PTPRD: variants seen among roughly 807,000 people sequenced by gnomAD.
The protein encoded by PTPRD is receptor-type tyrosine-protein phosphatase delta.
Under a neutral mutation model 214.5 loss-of-function variants are expected in PTPRD, and 34 were observed. That is an observed-to-expected ratio of 0.16 (90% CI 0.12 to 0.21). The LOEUF (loss-of-function observed/expected upper bound fraction) is 0.21. Ranked by LOEUF, PTPRD falls within the 10% of genes least tolerant of loss-of-function variation. The pLI, the probability that PTPRD is intolerant of heterozygous loss-of-function variation, is 1.00. For synonymous variants in PTPRD, 1,128 were observed against 845.7 expected (o/e 1.33, Z -5.79); for missense variants, 2,545 against 2,398.7 (o/e 1.06, Z -1.27).
chr9:10,380,591 T>G (rs1449909674), intron 2 of PTPRD, among the ~76,000 whole-genome samples: 1 of 152,052 alleles, frequency 6.6e-6, no homozygotes, highest in African/African-American at 2.4e-5. Context: ...CAGTTTTTAT[T>G]CAAAAGGAAA....
chr9:9,498,780 T>C (rs910367069), intron 8 of PTPRD, among the ~76,000 whole-genome samples: 5 of 152,086 alleles, frequency 3.3e-5, no homozygotes, highest in African/African-American at 1.2e-4. Flanking sequence ...TAGTGAATAA[T>C]TGTAAGACAG....
chr9:8,713,511 G>A, intron 12 of PTPRD: 3 of 1,186,636 alleles, frequency 2.5e-6, no homozygotes, highest in Non-Finnish European at 3.7e-6. Flanking sequence ...GTGGTCAGGT[G>A]TTTGAGAAGT....
At chr9:10,145,799 GCTTTA>G (rs997565846) in intron 3 of PTPRD, among the ~76,000 whole-genome samples, 81 of 152,042 alleles carry the variant, frequency 5.3e-4, no homozygotes, top group African/African-American at 1.8e-3. Flanking sequence ...GATATGATAT[GCTTTA>G]CTTTACATAA....
intron 4 of PTPRD, among the ~76,000 whole-genome samples, chr9:9,939,939 G>T (rs549833862): frequency 1.3e-5 from 2 of 152,282 alleles, no homozygotes; most frequent in East Asian, 3.9e-4. Flanking sequence ...TTCTGCTACT[G>T]CCACAATAAA....
chr9:10,448,895 T>A (rs907670028), intron 2 of PTPRD, among the ~76,000 whole-genome samples: 3 of 152,106 alleles, frequency 2.0e-5, no homozygotes, highest in African/African-American at 7.3e-5. Context: ...TCATGCTTTT[T>A]CAAATTTAGA....
At chr9:9,369,185 A>G (rs1321372973) in intron 9 of PTPRD, among the ~76,000 whole-genome samples, 1 of 151,510 alleles carries the variant, frequency 6.6e-6, no homozygotes, top group Non-Finnish European at 1.5e-5. Context: ...AGTTGGTTCC[A>G]AGTCTTCCAC....
chr9:8,579,130 G>A (rs146403030), intron 14 of PTPRD, among the ~76,000 whole-genome samples: 2 of 152,152 alleles, frequency 1.3e-5, no homozygotes, highest in African/African-American at 4.8e-5. Flanking sequence ...TAAGGATATT[G>A]CTATAGCATG....
intron 2 of PTPRD, among the ~76,000 whole-genome samples, chr9:10,437,951 A>C (rs1367803318): frequency 2.7e-5 from 4 of 146,770 alleles, no homozygotes; most frequent in African/African-American, 1.1e-4. Flanking sequence ...CATACACACA[A>C]AAATACACTG....
At chr9:9,944,129 G>A (rs373301551) in intron 4 of PTPRD, among the ~76,000 whole-genome samples, 4 of 152,262 alleles carry the variant, frequency 2.6e-5, no homozygotes, top group East Asian at 1.9e-4. Context: ...TTCCAGTGAC[G>A]TTGGCTGAAG....
At chr9:9,519,579 G>C (rs1291109862) in intron 8 of PTPRD, among the ~76,000 whole-genome samples, 1 of 151,964 alleles carries the variant, frequency 6.6e-6, no homozygotes, top group Non-Finnish European at 1.5e-5. Flanking sequence ...TATTCAAAAA[G>C]TTGGATGAAA....
chr9:9,782,831 G>C (rs564818214), intron 5 of PTPRD, among the ~76,000 whole-genome samples: 2 of 152,232 alleles, frequency 1.3e-5, no homozygotes, highest in East Asian at 1.9e-4. Flanking sequence ...CCCACAAAAC[G>C]AAAGTTCATC....
chr9:10,057,825 G>T (rs536317051), intron 3 of PTPRD, among the ~76,000 whole-genome samples: 1 of 147,666 alleles, frequency 6.8e-6, no homozygotes, highest in Non-Finnish European at 1.5e-5. Flanking sequence ...CTGGGCAACA[G>T]AGTGAGACTC....
At chr9:8,491,128 C>A (rs2097140583) in intron 27 of PTPRD, among the ~76,000 whole-genome samples, 1 of 152,234 alleles carries the variant, frequency 6.6e-6, no homozygotes, top group African/African-American at 2.4e-5. Flanking sequence ...GCCTTCTTCC[C>A]AGATGCAGTG....
At chr9:8,976,834 C>T (rs2099270543) in intron 11 of PTPRD, among the ~76,000 whole-genome samples, 1 of 152,058 alleles carries the variant, frequency 6.6e-6, no homozygotes, top group Non-Finnish European at 1.5e-5. Context: ...TAAAGCAGTA[C>T]ACTGTACTTG....
At chr9:10,433,684 T>C (rs2098698319) in intron 2 of PTPRD, among the ~76,000 whole-genome samples, 1 of 151,930 alleles carries the variant, frequency 6.6e-6, no homozygotes. Flanking sequence ...AAAAAAGTAG[T>C]AATTTTATAA....
chr9:8,651,478 T>C (rs899559775), intron 12 of PTPRD, among the ~76,000 whole-genome samples: 1 of 152,192 alleles, frequency 6.6e-6, no homozygotes, highest in Non-Finnish European at 1.5e-5. Flanking sequence ...CCTTGGTTTG[T>C]AGATGGAAAT....
intron 11 of PTPRD, among the ~76,000 whole-genome samples, chr9:8,973,704 T>C (rs928336468): frequency 2.0e-5 from 3 of 152,092 alleles, no homozygotes; most frequent in Non-Finnish European, 4.4e-5. Context: ...CATTCCCATT[T>C]CTCTGTAGCC....
chr9:8,952,963 A>G (rs1485256649), intron 11 of PTPRD, among the ~76,000 whole-genome samples: 1 of 144,532 alleles, frequency 6.9e-6, no homozygotes, highest in African/African-American at 2.5e-5. Flanking sequence ...GTTAGGTTAT[A>G]CCTACTGCAA....
chr9:10,417,612 CAT>C (rs1408045222), intron 2 of PTPRD, among the ~76,000 whole-genome samples: 5 of 151,488 alleles, frequency 3.3e-5, no homozygotes, highest in African/African-American at 9.7e-5. Flanking sequence ...TCAATAATAA[CAT>C]ATATAAATAA....
Sources: gnomAD v4.1 joint callset for allele counts (sites outside exome capture counted in the v4.1 genomes callset) on GRCh38, gnomAD v4.1.1 for gene constraint, MANE v1.5 for transcripts, NCBI Gene and HGNC (gene_info 2026-07-23, HGNC 2026-07-21) for gene names.